Variants in SUSD4 observed in about 807,000 individuals in gnomAD.
SUSD4 encodes the protein sushi domain containing 4.
In SUSD4, 41 loss-of-function variants were observed where a neutral mutation model predicts 50.5. That is an observed-to-expected ratio of 0.81 (90% CI 0.63 to 1.05). The LOEUF is 1.05. Ranked by LOEUF, SUSD4 falls within the 50% of genes least tolerant of loss-of-function variation. SUSD4 has a pLI of 0.00. For missense variants in SUSD4, 580 were observed against 634.7 expected, an observed-to-expected ratio of 0.91 and a Z score of 0.93; for synonymous variants, 257 against 257.3, an observed-to-expected ratio of 1.00 and a Z score of 0.01.
intron 3 of SUSD4, among the ~76,000 whole-genome samples, chr1:223,285,638 T>C (rs9442041): frequency 0.83 from 126,323 of 152,198 alleles, 52,999 homozygotes; most frequent in African/African-American, 0.96. Flanking sequence ...GGTTCACATA[T>C]ACCATGAAAT....
At chr1:223,358,531 C>G (rs1668793485) in intron 2 of SUSD4, among the ~76,000 whole-genome samples, 1 of 152,216 alleles carries the variant, frequency 6.6e-6, no homozygotes, top group Non-Finnish European at 1.5e-5. Flanking sequence ...GGAAATATGT[C>G]TCTGAAACCA....
At chr1:223,295,624 A>G (rs1291595032) in intron 2 of SUSD4, among the ~76,000 whole-genome samples, 1 of 151,802 alleles carries the variant, frequency 6.6e-6, no homozygotes, top group Non-Finnish European at 1.5e-5. Context: ...ACCTGTCAGG[A>G]AAGAGGTGGC....
chr1:223,241,397 A>G (rs1384078247), intron 5 of SUSD4, among the ~76,000 whole-genome samples: 1 of 152,056 alleles, frequency 6.6e-6, no homozygotes, highest in Non-Finnish European at 1.5e-5. Flanking sequence ...CAATTCATCA[A>G]TTACAGTCAG....
At chr1:223,349,810 C>A (rs933709260) in intron 2 of SUSD4, among the ~76,000 whole-genome samples, 2 of 152,196 alleles carry the variant, frequency 1.3e-5, no homozygotes, top group Admixed American at 1.3e-4. Flanking sequence ...CCTTACAGCA[C>A]CTTTTCATAA....
chr1:223,327,356 G>A (rs566210857), intron 2 of SUSD4, among the ~76,000 whole-genome samples: 5 of 152,252 alleles, frequency 3.3e-5, no homozygotes, highest in Admixed American at 2.6e-4. Context: ...GTAGGGAATA[G>A]GGATAAAAAA....
intron 4 of SUSD4, among the ~76,000 whole-genome samples, chr1:223,266,650 G>T (rs1052585649): frequency 1.3e-5 from 2 of 152,208 alleles, no homozygotes; most frequent in Non-Finnish European, 2.9e-5. Context: ...TCGAAAATGG[G>T]CTTCAACTCA....
intron 5 of SUSD4, among the ~76,000 whole-genome samples, chr1:223,252,559 A>G (rs952975844): frequency 1.3e-5 from 2 of 152,186 alleles, no homozygotes; most frequent in African/African-American, 4.8e-5. Flanking sequence ...TTGGCTTCCC[A>G]GCTTCCTGAA....
At chr1:223,258,754 C>T (rs851196) in intron 5 of SUSD4, among the ~76,000 whole-genome samples, 1 of 151,854 alleles carries the variant, frequency 6.6e-6, no homozygotes, top group South Asian at 2.1e-4. Context: ...TCCCCTGTTT[C>T]GGAAAAGCAA....
intron 5 of SUSD4, among the ~76,000 whole-genome samples, chr1:223,256,880 G>A (rs551020356): frequency 1.3e-5 from 2 of 152,280 alleles, no homozygotes; most frequent in Admixed American, 6.5e-5. Context: ...CACAGGGGCC[G>A]GTTGCTGTGG....
At chr1:223,292,026 AGTAATTG>A (rs1196043879) in intron 3 of SUSD4, among the ~76,000 whole-genome samples, 1 of 152,196 alleles carries the variant, frequency 6.6e-6, no homozygotes, top group African/African-American at 2.4e-5. Context: ...ACTGATAAGT[AGTAATTG>A]ATTTAATCCT....
At chr1:223,328,271 C>T (rs554392940) in intron 2 of SUSD4, among the ~76,000 whole-genome samples, 23 of 152,134 alleles carry the variant, frequency 1.5e-4, no homozygotes, top group Non-Finnish European at 3.1e-4. Context: ...CCTTCCTATT[C>T]GGTCCTTACA....
At chr1:223,360,698 C>T (rs1668925926) in intron 2 of SUSD4, among the ~76,000 whole-genome samples, 1 of 151,946 alleles carries the variant, frequency 6.6e-6, no homozygotes, top group South Asian at 2.1e-4. Context: ...TTTCTCCTAG[C>T]TGAGACGATT....
At chr1:223,296,346 C>T (rs1558225873) in intron 2 of SUSD4, among the ~76,000 whole-genome samples, 1 of 152,136 alleles carries the variant, frequency 6.6e-6, no homozygotes, top group Non-Finnish European at 1.5e-5. Context: ...GTGCCATGTG[C>T]TCAGATTAAC....
intron 5 of SUSD4, among the ~76,000 whole-genome samples, chr1:223,232,538 T>C (rs898072984): frequency 2.6e-5 from 4 of 152,202 alleles, no homozygotes; most frequent in Non-Finnish European, 5.9e-5. Context: ...ACAGAAAATG[T>C]CATGAAAGAG....
At chr1:223,308,974 T>C (rs1040597503) in intron 2 of SUSD4, among the ~76,000 whole-genome samples, 5 of 152,230 alleles carry the variant, frequency 3.3e-5, no homozygotes, top group African/African-American at 1.2e-4. Flanking sequence ...GATTTACTTA[T>C]AAGGATGACG....
intron 2 of SUSD4, among the ~76,000 whole-genome samples, chr1:223,353,872 C>T (rs1270526006): frequency 1.3e-5 from 2 of 152,006 alleles, no homozygotes; most frequent in African/African-American, 4.8e-5. Context: ...CCCTGCTGTA[C>T]TCTACTCCTC....
At chr1:223,277,282 T>C (rs1478117429) in intron 3 of SUSD4, among the ~76,000 whole-genome samples, 1 of 149,020 alleles carries the variant, frequency 6.7e-6, no homozygotes, top group Admixed American at 6.7e-5. Context: ...TACTTAAAAC[T>C]AATGCTTGAT....
chr1:223,355,554 C>T (rs962799867), intron 2 of SUSD4, among the ~76,000 whole-genome samples: 1 of 152,150 alleles, frequency 6.6e-6, no homozygotes, highest in Non-Finnish European at 1.5e-5. Context: ...TCTCCCTCCT[C>T]CTGATTCACC....
rs561918132 is a variant in SUSD4 at position 223,319,490 on chromosome 1, C to T, written c.149-26839G>A. On this transcript the variant is annotated intron_variant, in intron 2 of 8. Transcript: ENST00000366878. ...CTTGCCCTTCTTAATACAAGATGAA[C>T]GAGTCCAGCAGGCTCTGTCCCTCTC... Among the ~76,000 whole-genome samples, 14 of 152,146 alleles carry T rather than the reference C, an allele frequency of 9.2e-5. 1 individual carries two copies. Among genetic ancestry groups the T allele is most frequent in the Non-Finnish European group, 1.5e-4 (10 of 68,028 alleles).
Sources: allele counts gnomAD v4.1 joint callset (sites outside exome capture counted in the v4.1 genomes callset), GRCh38; gene constraint gnomAD v4.1.1; transcripts MANE v1.5; gene names NCBI Gene and HGNC (gene_info 2026-07-23, HGNC 2026-07-21).